TBCD: variants seen among roughly 807,000 people sequenced by gnomAD.
The protein encoded by TBCD is tubulin-specific chaperone D.
Under a neutral mutation model 169.3 loss-of-function variants are expected in TBCD, and 105 were observed. That is an observed-to-expected ratio of 0.62 (90% CI 0.53 to 0.73). The LOEUF (loss-of-function observed/expected upper bound fraction) is 0.73. TBCD is among the 30% of genes least tolerant of loss of function. The probability of loss-of-function intolerance (pLI) is 0.00; values close to 1 mark genes in which losing one functional copy is unlikely to be tolerated. For synonymous variants in TBCD, 700 were observed against 643.9 expected, an observed-to-expected ratio of 1.09 and a Z score of -1.32; for missense variants, 1,444 against 1,600.1, an observed-to-expected ratio of 0.90 and a Z score of 1.66.
At position 82,782,888 on chromosome 17, in the gene TBCD, A is replaced by G. The variant is rs529409174; in HGVS notation, c.771+1167A>G. Among the ~76,000 whole-genome samples the G allele has an allele frequency of 1.7e-4, 24 of 143,634 alleles. No homozygotes were observed. In the East Asian group the frequency reaches 4.5e-3, roughly 27 times the overall value. 94.2% of individuals were successfully genotyped at this position (143,634 alleles called of 152,430 possible). On this transcript the variant is annotated intron_variant, in intron 7 of 38. Transcript: ENST00000355528. This position sits in a 1 kb window ranked among gnomAD's most constrained non-coding sequence, Gnocchi z 5.1. The stretch of plus-strand genomic sequence containing the variant: ...TGTCCTCAGTGTTGTCTTCCTGTCC[A>G]TGGCGTTGTCTTCCTGTCTGCGGTG...
chr17:82,927,286 G>A lies in TBCD; in HGVS notation c.2572G>A (p.Asp858Asn), dbSNP rs766636782. The change falls in exon 29 of 39, where the codon GAC becomes AAC. Residue 858 changes from aspartate (D) to asparagine (N), a missense_variant. Physicochemically the swap from Asp to Asn is conservative, Grantham distance 23. Coordinates refer to ENST00000355528, the MANE Select transcript of TBCD (RefSeq NM_005993.5). ...IYCALLGCMDDYTTDSRGDVG... is the reference protein window; with the variant it reads ...IYCALLGCMDNYTTDSRGDVG... ...CTGTGCGCTGCTGGGCTGCATGGAC[G>A]ACTACACCACGGACAGCAGAGGGGA... The A allele has an allele frequency of 1.1e-5, 17 of 1,613,960 alleles. No individual in the cohort carries two copies. Among genetic ancestry groups the A allele is most frequent in the South Asian group, 5.5e-5 (5 of 91,064 alleles).
In TBCD at chr17:82,832,892, AGTGTGGT is replaced by A. The variant is rs1166556845; in HGVS notation, c.1318+17967_1318+17973del. Reference sequence around the variant, plus strand: ...GAGTCACCTCGGGGCCTAGAGGTGGAGTGTGGTGTGTGGTGCGTTGAGTGTCTGTTCT... The same window carrying A: ...GAGTCACCTCGGGGCCTAGAGGTGGAGTGTGGTGCGTTGAGTGTCTGTTCT... On this transcript the variant is annotated intron_variant, in intron 13 of 38. Transcript: ENST00000355528. The surrounding 1 kb of genome is among the most constrained non-coding windows in gnomAD (Gnocchi z 4.9). 6.6e-6 allele frequency among the ~76,000 whole-genome samples: 1 copy of A among 152,012 alleles called. No homozygotes were observed. The highest frequency in any genetic ancestry group is 1.5e-5 in the Non-Finnish European group (1 of 68,008).
chr17:82,841,477 T>G (rs2054522399), intron 13 of TBCD, among the ~76,000 whole-genome samples: 1 of 152,092 alleles, frequency 6.6e-6, no homozygotes, highest in Admixed American at 6.5e-5. Context: ...TCACTATGCC[T>G]GGAGAATTTT....
intron 13 of TBCD, among the ~76,000 whole-genome samples, chr17:82,857,086 C>T (rs2056374670): frequency 1.3e-5 from 2 of 152,254 alleles, no homozygotes; most frequent in South Asian, 2.1e-4. Flanking sequence ...CAGCAAGGCG[C>T]AGAGCTTCTG....
At chr17:82,940,227 A>ACACACACACACACT (rs2081112096) in intron 37 of TBCD, among the ~76,000 whole-genome samples, 1 of 141,396 alleles carries the variant, frequency 7.1e-6, no homozygotes, top group Non-Finnish European at 1.6e-5. Flanking sequence ...GCGCGCACAC[A>ACACACACACACACT]CACACACACA....
intron 13 of TBCD, among the ~76,000 whole-genome samples, chr17:82,859,043 T>C (rs1438472925): frequency 1.3e-5 from 2 of 152,198 alleles, no homozygotes; most frequent in Non-Finnish European, 2.9e-5. Flanking sequence ...CGAGAGGCCA[T>C]GGGGAGCCTG....
intron 6 of TBCD, among the ~76,000 whole-genome samples, chr17:82,780,270 C>T (rs566475607): frequency 3.9e-4 from 60 of 152,332 alleles, no homozygotes; most frequent in African/African-American, 1.2e-3. Flanking sequence ...CTCTCTCTAA[C>T]GAGGCCATGC....
intron 13 of TBCD, among the ~76,000 whole-genome samples, chr17:82,853,983 A>G (rs554488160): frequency 1.3e-5 from 2 of 152,104 alleles, no homozygotes; most frequent in South Asian, 2.1e-4. Context: ...GTTTGGAATC[A>G]TCTATTCTGT....
At position 82,806,608 on chromosome 17, in the gene TBCD, C is replaced by T. The variant is rs1454056808; in HGVS notation, c.1087+597C>T. On this transcript the variant is annotated intron_variant, in intron 10 of 38. Coordinates refer to ENST00000355528, the MANE Select transcript of TBCD (RefSeq NM_005993.5). This position sits in a 1 kb window ranked among gnomAD's most constrained non-coding sequence, Gnocchi z 5.1. ...AGGCAGGGCCTCTTCATGTCCCCTC[C>T]CTGTGAGGCCCCCATCCTCCCAGTA... 6.6e-6 allele frequency among the ~76,000 whole-genome samples: 1 copy of T among 152,260 alleles called. No homozygotes were observed. Among genetic ancestry groups the T allele is most frequent in the East Asian group, 1.9e-4 (1 of 5,170 alleles).
At chr17:82,854,946 TC>T (rs756903403) in intron 13 of TBCD, among the ~76,000 whole-genome samples, 19 of 152,224 alleles carry the variant, frequency 1.2e-4, no homozygotes, top group Non-Finnish European at 2.1e-4. Context: ...GGACTCATCA[TC>T]TACGAAAGGC....
At chr17:82,873,811 G>A (rs1273465641) in intron 14 of TBCD, among the ~76,000 whole-genome samples, 2 of 152,254 alleles carry the variant, frequency 1.3e-5, no homozygotes, top group Admixed American at 1.3e-4. Context: ...TGGCCTGCTC[G>A]CTTATTCTTA....
chr17:82,779,239 C>T (rs776569682), intron 6 of TBCD, among the ~76,000 whole-genome samples: 2 of 149,892 alleles, frequency 1.3e-5, no homozygotes, highest in Non-Finnish European at 3.0e-5. Flanking sequence ...CTTCTGACGT[C>T]GTGATTCACC....
In TBCD at chr17:82,937,264, C is replaced by T. The variant is rs1283297385; in HGVS notation, c.3192-7C>T. The T allele has an allele frequency of 1.9e-6, 3 of 1,613,704 alleles. No homozygotes were observed. Among genetic ancestry groups the T allele is most frequent in the Non-Finnish European group, 2.5e-6 (3 of 1,179,712 alleles). ...GCTCATCTCTAAAGTGTGTGTTGTT[C>T]TTCCAGCCACCCCTTTGCTGTGAAG... On this transcript the variant is annotated splice_polypyrimidine_tract_variant and splice_region_variant and intron_variant, in intron 34 of 38. Transcript: ENST00000355528.
At chr17:82,758,419 A>ATAATT (rs1467354633) in intron 2 of TBCD, among the ~76,000 whole-genome samples, 3 of 135,556 alleles carry the variant, frequency 2.2e-5, no homozygotes, top group Non-Finnish European at 4.8e-5. Flanking sequence ...AAATAAATAA[A>ATAATT]TTTTTTTTTT....
chr17:82,850,661 T>C (rs987121379), intron 13 of TBCD, among the ~76,000 whole-genome samples: 9 of 152,314 alleles, frequency 5.9e-5, no homozygotes, highest in African/African-American at 1.9e-4. Context: ...TGTGCTGTTG[T>C]TGGTTGTGTG....
chr17:82,852,159 C>G (rs1306488189), intron 13 of TBCD, among the ~76,000 whole-genome samples: 1 of 135,646 alleles, frequency 7.4e-6, no homozygotes, highest in East Asian at 2.6e-4. Flanking sequence ...ATGGATAAAC[C>G]CCCCCTCCTA....
intron 13 of TBCD, chr17:82,865,385 C>T (rs1301192152): frequency 1.2e-6 from 1 of 848,776 alleles, no homozygotes; most frequent in South Asian, 5.4e-5. Flanking sequence ...CCTCCACATC[C>T]ACCCCATCGT....
chr17:82,925,106 A>T, intron 27 of TBCD, 49 bp downstream of exon 27: 1 of 1,427,920 alleles, frequency 7.0e-7, no homozygotes, highest in Non-Finnish European at 9.5e-7. Flanking sequence ...AGGGTGTGGG[A>T]GCCTCGTGTG....
At chr17:82,845,556 A>G (rs144530602) in intron 13 of TBCD, among the ~76,000 whole-genome samples, 10,398 of 142,206 alleles carry the variant, frequency 0.073, 540 homozygotes, top group South Asian at 0.25. Context: ...TGTGTGGCCC[A>G]GCCCCTTCCT....
Sources: allele counts gnomAD v4.1 joint callset (sites outside exome capture counted in the v4.1 genomes callset), GRCh38; gene constraint gnomAD v4.1.1; non-coding constraint Gnocchi (gnomAD v3.1); transcripts MANE v1.5; gene names NCBI Gene and HGNC (gene_info 2026-07-23, HGNC 2026-07-21).